VWA3A: variants seen among roughly 807,000 people sequenced by gnomAD.
VWA3A encodes von Willebrand factor A domain containing 3A, also known as von Willebrand factor A domain-containing protein 3A.
Under a neutral mutation model 160.4 loss-of-function variants are expected in VWA3A, and 134 were observed. That is an observed-to-expected ratio of 0.84 (90% CI 0.73 to 0.96). The LOEUF is 0.96. Among genes scored for constraint, VWA3A ranks in the 40% least tolerant of loss-of-function variants. The probability of loss-of-function intolerance (pLI) is 0.00; values close to 1 mark genes in which losing one functional copy is unlikely to be tolerated. For synonymous variants in VWA3A, 476 were observed against 543.4 expected, an observed-to-expected ratio of 0.88 and a Z score of 1.72; for missense variants, 1,310 against 1,447.9, an observed-to-expected ratio of 0.90 and a Z score of 1.55.
chr16:22,126,442 T>C (rs2045851966), intron 17 of VWA3A, 145 bp downstream of exon 17: 2 of 1,247,466 alleles, frequency 1.6e-6, no homozygotes, highest in Non-Finnish European at 1.1e-6. Context: ...GTTTATCTGA[T>C]TTGGATGATC....
In VWA3A at chr16:22,127,129, GT is replaced by G. The variant is rs145335947; in HGVS notation, c.1652+836del. Among the ~76,000 whole-genome samples, 3,264 of 150,890 alleles carry G rather than the reference GT, an allele frequency of 0.022. 435 individuals carry two copies. In the East Asian group the frequency reaches 0.4, roughly 18 times the overall value. On this transcript the variant is annotated intron_variant, in intron 17 of 33. Coordinates refer to ENST00000389398, the MANE Select transcript of VWA3A (RefSeq NM_173615.5). ...AAACTATATATATAGTTTGTTTTTG[GT>G]TTTGTTTTTGTTTTGAGATGGAGTC...
intron 21 of VWA3A, among the ~76,000 whole-genome samples, chr16:22,136,889 A>ACACG (rs1567217912): frequency 3.6e-5 from 4 of 111,662 alleles, no homozygotes; most frequent in Admixed American, 2.5e-4. Context: ...ACACACACAC[A>ACACG]CACACGCACA....
rs1472952219 is a variant in VWA3A, at chr16:22,115,913, GGAAGGAAGGAAA to G, written c.815+443_815+454del. Reference sequence around the variant, plus strand: ...AGGAAGGAAGGAAGGAAGGAAGGAAGGAAGGAAGGAAAGGAAAGGAAAGGAAGGGAGGAGGGG... The same window carrying G: ...AGGAAGGAAGGAAGGAAGGAAGGAAGGGAAAGGAAAGGAAGGGAGGAGGGG... On this transcript the variant is annotated intron_variant, in intron 9 of 33. Coordinates refer to ENST00000389398, the MANE Select transcript of VWA3A (RefSeq NM_173615.5). Among the ~76,000 whole-genome samples the G allele has an allele frequency of 5.7e-4, 20 of 35,360 alleles. 2 individuals are homozygous for G. The highest frequency in any genetic ancestry group is 1.2e-3 in the Admixed American group (4 of 3,332). 23.2% of individuals were successfully genotyped at this position (35,360 alleles called of 152,430 possible).
At position 22,100,492 on chromosome 16, in the gene VWA3A, G is replaced by A. The variant is rs1158520283; in HGVS notation, c.427G>A (p.Asp143Asn). ...IIRHFESKLSDTIEVYQERIQ... is the reference protein window; with the variant it reads ...IIRHFESKLSNTIEVYQERIQ... ...CCGCCATTTTGAGTCAAAGCTTTCT[G>A]AGTAAGTATGTTTCTCACTGTCCTC... Residue 143 changes from aspartate to asparagine, a missense_variant and splice_region_variant, in exon 5 of 34, where the codon GAC becomes AAC. Transcript: ENST00000389398. The A allele has an allele frequency of 6.4e-7, 1 of 1,551,464 alleles. No individual in the cohort carries two copies. Among genetic ancestry groups the A allele is most frequent in the Non-Finnish European group, 8.7e-7 (1 of 1,146,916 alleles).
chr16:22,132,985 A>T lies in VWA3A; in HGVS notation c.1958A>T (p.Lys653Met). ...NVCLFYVGEPKMDTTPPARYA... is the reference protein window; with the variant it reads ...NVCLFYVGEPMMDTTPPARYA... ...TGTCTCTTCTACGTGGGCGAGCCAA[A>T]GATGGACACCACACCCCCTGCCCGC... The change falls in exon 20 of 34, where the codon AAG becomes ATG. Residue 653 changes from lysine to methionine, a missense_variant. Lys to Met is a moderately conservative substitution (Grantham distance 95). Coordinates refer to ENST00000389398, the MANE Select transcript of VWA3A (RefSeq NM_173615.5). 6.2e-7 allele frequency: 1 copy of T among 1,613,994 alleles called. No homozygotes were observed. Among genetic ancestry groups the T allele is most frequent in the South Asian group, 1.1e-5 (1 of 91,078 alleles).
intron 26 of VWA3A, 28 bp from the exon 27 acceptor site, chr16:22,146,208 G>A (rs1394685117): frequency 6.4e-7 from 1 of 1,573,276 alleles, no homozygotes; most frequent in Admixed American, 1.7e-5. Context: ...GATGGGGTGG[G>A]TGCTTGCCTC....
intron 25 of VWA3A, 123 bp downstream of exon 25, chr16:22,142,888 C>T (rs1025227955): frequency 1.3e-5 from 9 of 719,454 alleles, no homozygotes; most frequent in South Asian, 8.1e-5. Context: ...CAGTGACTCA[C>T]ACCTGTAATC....
intron 9 of VWA3A, 55 bp downstream of exon 9, chr16:22,115,527 A>G: frequency 6.5e-7 from 1 of 1,536,286 alleles, no homozygotes; most frequent in South Asian, 1.3e-5. Flanking sequence ...CTGAAAAACC[A>G]AACCACTTTT....
At position 22,118,957 on chromosome 16, in the gene VWA3A, G is replaced by T. The variant is rs770218545; in HGVS notation, c.1046G>T (p.Ser349Ile). ...CTGGCAGAAATTCAGAAGGCCCAGA[G>T]CCTCCTCAGCCACGTGCAAGCCCTG... ...ELLAEIQKAQ[S>I]LLSHVQALQH... Residue 349 changes from serine (S) to isoleucine (I), a missense_variant, in exon 12 of 34, where the codon AGC becomes ATC. Transcript: ENST00000389398. 1.9e-6 allele frequency: 3 copies of T among 1,613,942 alleles called. No individual in the cohort carries two copies. The highest frequency in any genetic ancestry group is 2.5e-6 in the Non-Finnish European group (3 of 1,179,866).
chr16:22,141,039 C>A (rs2046137565), intron 23 of VWA3A, among the ~76,000 whole-genome samples: 1 of 152,196 alleles, frequency 6.6e-6, no homozygotes, highest in Non-Finnish European at 1.5e-5. Context: ...AATGATCAAT[C>A]CTTTGCATCT....
Position 22,131,706 on chromosome 16 carries a change from G to A in VWA3A, c.1849G>A (p.Gly617Arg), listed in dbSNP as rs1225661970. Residue 617 changes from glycine (G) to arginine (R), a missense_variant, in exon 19 of 34, where the codon GGG (glycine) becomes AGG (arginine). Physicochemically the swap from Gly to Arg is moderately radical, Grantham distance 125 (BLOSUM62 -2). Transcript: ENST00000389398. ...HQSQGIYLFT[G>R]GIPDQDMPTL... is the part of the protein sequence containing the mutation. ...ATCGCAGGGAATCTACCTCTTCACT[G>A]GGGGCATCCCCGACCAGGACATGGT... is the stretch of plus-strand genomic sequence containing the variant. 6.2e-7 allele frequency: 1 copy of A among 1,613,870 alleles called. No individual in the cohort carries two copies. Among genetic ancestry groups the A allele is most frequent in the Non-Finnish European group, 8.5e-7 (1 of 1,179,816 alleles).
intron 7 of VWA3A, 38 bp downstream of exon 7, chr16:22,109,618 C>A (rs1436135979): frequency 6.4e-7 from 1 of 1,556,882 alleles, no homozygotes; most frequent in East Asian, 2.2e-5. Context: ...CTGGAACCAC[C>A]CACTACCCCC....
intron 12 of VWA3A, 35 bp from the exon 13 acceptor site, chr16:22,120,933 T>C (rs763951686): frequency 3.1e-6 from 5 of 1,612,364 alleles, no homozygotes; most frequent in Non-Finnish European, 4.2e-6. Context: ...CTCTAAAATA[T>C]GATTATGTAA....
At chr16:22,101,143 G>A (rs2141839500) in intron 5 of VWA3A, among the ~76,000 whole-genome samples, 1 of 152,078 alleles carries the variant, frequency 6.6e-6, no homozygotes, top group East Asian at 1.9e-4. Context: ...TATAATCCTA[G>A]CGCTTTGAGA....
At chr16:22,094,232 A>G (rs755501400) in intron 1 of VWA3A, among the ~76,000 whole-genome samples, 2 of 152,010 alleles carry the variant, frequency 1.3e-5, no homozygotes, top group Admixed American at 6.6e-5. Flanking sequence ...GTGAGACACT[A>G]TGGGGCGGCC....
intron 21 of VWA3A, among the ~76,000 whole-genome samples, chr16:22,134,685 TTTG>T (rs2046010432): frequency 6.6e-6 from 1 of 152,156 alleles, no homozygotes; most frequent in African/African-American, 2.4e-5. Flanking sequence ...TGTTTGTTTG[TTTG>T]TTTTTAATTG....
intron 16 of VWA3A, among the ~76,000 whole-genome samples, chr16:22,124,186 CAAAAAAA>C (rs11426931): frequency 1.9e-4 from 9 of 46,596 alleles, no homozygotes; most frequent in Non-Finnish European, 3.5e-4. Flanking sequence ...GTGTCTACCA[CAAAAAAA>C]AAAAAAAAAA....
intron 8 of VWA3A, 106 bp downstream of exon 8, chr16:22,111,100 G>A (rs1439116609): frequency 4.3e-6 from 4 of 936,730 alleles, no homozygotes; most frequent in Non-Finnish European, 6.2e-6. Flanking sequence ...GACCCTACTA[G>A]ATAAGTGAGT....
intron 6 of VWA3A, among the ~76,000 whole-genome samples, chr16:22,104,407 T>G (rs2045451815): frequency 6.6e-6 from 1 of 152,150 alleles, no homozygotes; most frequent in Non-Finnish European, 1.5e-5. Flanking sequence ...GAAAATCGCT[T>G]GAACTCAGGA....
Sources: gnomAD v4.1 joint callset for allele counts (sites outside exome capture counted in the v4.1 genomes callset) on GRCh38, gnomAD v4.1.1 for gene constraint, MANE v1.5 for transcripts, NCBI Gene and HGNC (gene_info 2026-07-23, HGNC 2026-07-21) for gene names.